The following ERBIN variants were observed in gnomAD, a reference collection of about 807,000 sequenced individuals.
ERBIN encodes the protein erbb2 interacting protein.
A neutral mutation model predicts 158.4 loss-of-function variants in ERBIN; 60 were observed. The ratio of observed to expected loss-of-function variants is 0.38; its 90% confidence interval spans 0.31 to 0.47. ERBIN has a LOEUF of 0.47. Among genes scored for constraint, ERBIN ranks in the 20% least tolerant of loss-of-function variants. ERBIN has a pLI of 0.99. For synonymous variants in ERBIN, 594 were observed against 557.2 expected, an observed-to-expected ratio of 1.07 and a Z score of -0.93; for missense variants, 1,610 against 1,648.0, an observed-to-expected ratio of 0.98 and a Z score of 0.40.
chr5:65,989,361 A>G (rs1371381518), intron 2 of ERBIN, among the ~76,000 whole-genome samples: 1 of 152,130 alleles, frequency 6.6e-6, no homozygotes, highest in Admixed American at 6.5e-5. Flanking sequence ...GCAGGCCTAT[A>G]TAGATTTGGT....
chr5:66,063,572 A>T (rs1272680492), intron 21 of ERBIN, among the ~76,000 whole-genome samples: 2 of 152,110 alleles, frequency 1.3e-5, no homozygotes, highest in Non-Finnish European at 2.9e-5. Flanking sequence ...GGCACTCCCC[A>T]GTGAGATGAA....
In ERBIN at chr5:66,074,877, A is replaced by T. The variant is rs1761845506; in HGVS notation, c.3757-147A>T. ...CTTATTTCTTTTAAGTTTTAAAATT[A>T]TAGAAAAATAGTAAGTGGCATGGTA... On this transcript the variant is annotated intron_variant, in intron 22 of 25. Transcript: ENST00000284037. The T allele has an allele frequency of 1.2e-5, 8 of 673,614 alleles. No homozygotes were observed. The South Asian group carries it at 1.8e-4, about 15-fold the overall frequency. The allele number at this position is 673,614 out of a possible 1,614,324, so 41.7% of individuals were successfully genotyped here.
intron 20 of ERBIN, among the ~76,000 whole-genome samples, chr5:66,051,974 A>G (rs1051345771): frequency 6.6e-6 from 1 of 151,170 alleles, no homozygotes; most frequent in Non-Finnish European, 1.5e-5. Context: ...GGAGGCTAAG[A>G]TGATAGATTG....
chr5:65,977,762 G>C (rs1580227970), intron 1 of ERBIN, among the ~76,000 whole-genome samples: 1 of 152,308 alleles, frequency 6.6e-6, no homozygotes, highest in Non-Finnish European at 1.5e-5. Context: ...GGTGGCGGCC[G>C]GGCAGAGGCT....
At chr5:65,970,465 C>CT (rs1425451441) in intron 1 of ERBIN, among the ~76,000 whole-genome samples, 2 of 140,802 alleles carry the variant, frequency 1.4e-5, no homozygotes, top group African/African-American at 6.5e-5. Context: ...GCTGGCAACA[C>CT]TAACTACTAT....
chr5:66,028,617 T>G (rs144832602), intron 14 of ERBIN, among the ~76,000 whole-genome samples: 3 of 152,290 alleles, frequency 2.0e-5, no homozygotes, highest in African/African-American at 7.2e-5. Flanking sequence ...AACTCTGAAT[T>G]TAATAGCATT....
At chr5:66,067,988 AT>A (rs773939893) in intron 21 of ERBIN, among the ~76,000 whole-genome samples, 28 of 152,258 alleles carry the variant, frequency 1.8e-4, no homozygotes, top group Non-Finnish European at 3.5e-4. Flanking sequence ...AAATTCGCGT[AT>A]GTTAAAACTA....
chr5:66,032,158 G>T (rs1228943562), intron 14 of ERBIN, among the ~76,000 whole-genome samples: 1 of 151,498 alleles, frequency 6.6e-6, no homozygotes, highest in Admixed American at 6.6e-5. Flanking sequence ...GACGGAAAAG[G>T]TAGAAAACGA....
intron 14 of ERBIN, among the ~76,000 whole-genome samples, chr5:66,034,249 G>A (rs1193261261): frequency 6.6e-6 from 1 of 151,852 alleles, no homozygotes; most frequent in Non-Finnish European, 1.5e-5. Flanking sequence ...AGGAAATAGT[G>A]TACATTATGA....
At chr5:66,074,933 T>G (rs900499906) in intron 22 of ERBIN, 91 bp from the exon 23 acceptor site, 3 of 1,120,304 alleles carry the variant, frequency 2.7e-6, no homozygotes, top group Non-Finnish European at 3.9e-6. Context: ...GTGAAAACTC[T>G]AGTGCTTTTG....
Position 66,076,870 on chromosome 5 carries a change from T to C in ERBIN, c.4057-5T>C, listed in dbSNP as rs888365195. 3.1e-6 allele frequency: 5 copies of C among 1,600,342 alleles called. No homozygotes were observed. Among genetic ancestry groups the C allele is most frequent in the Middle Eastern group, 1.7e-4 (1 of 5,912 alleles). Reference sequence around the variant, plus strand: ...TTAGTTAAATAATTTTTTTTGTTGTTAAAGGGTATATTTGTAACAAGGGTA... The same window carrying C: ...TTAGTTAAATAATTTTTTTTGTTGTCAAAGGGTATATTTGTAACAAGGGTA... On this transcript the variant is annotated splice_region_variant and splice_polypyrimidine_tract_variant and intron_variant, in intron 24 of 25. Coordinates refer to ENST00000284037, the MANE Select transcript of ERBIN (RefSeq NM_001253697.2).
At chr5:65,963,944 C>T (rs970880597) in intron 1 of ERBIN, among the ~76,000 whole-genome samples, 4 of 151,878 alleles carry the variant, frequency 2.6e-5, no homozygotes, top group South Asian at 2.1e-4. Context: ...GGACTACAGG[C>T]GCCTGCCACC....
At chr5:65,989,031 G>T (rs1254791366) in intron 2 of ERBIN, among the ~76,000 whole-genome samples, 1 of 68,164 alleles carries the variant, frequency 1.5e-5, no homozygotes, top group African/African-American at 3.5e-5. Flanking sequence ...CATTTTCTGG[G>T]TCGACACTTT....
intron 1 of ERBIN, among the ~76,000 whole-genome samples, chr5:65,940,694 G>A (rs1744862427): frequency 1.4e-5 from 2 of 145,002 alleles, no homozygotes; most frequent in Admixed American, 1.4e-4. Context: ...GAGGGAGGTG[G>A]GGGGGTCAGC....
At chr5:66,051,494 C>T (rs760917426) in intron 20 of ERBIN, among the ~76,000 whole-genome samples, 3 of 151,902 alleles carry the variant, frequency 2.0e-5, no homozygotes, top group Non-Finnish European at 4.4e-5. Flanking sequence ...ATAATGTTGG[C>T]AGTGGGTTTG....
intron 14 of ERBIN, among the ~76,000 whole-genome samples, chr5:66,030,366 A>C (rs1342996813): frequency 1.3e-5 from 2 of 152,010 alleles, no homozygotes; most frequent in East Asian, 3.9e-4. Context: ...TAACACAGGC[A>C]ATTACCGTAT....
intron 1 of ERBIN, among the ~76,000 whole-genome samples, chr5:65,929,245 T>C (rs1743057957): frequency 6.6e-6 from 1 of 152,242 alleles, no homozygotes; most frequent in Admixed American, 6.5e-5. Context: ...ATTGTTGGTA[T>C]TGCACTATTA....
intron 1 of ERBIN, among the ~76,000 whole-genome samples, chr5:65,967,306 TC>T (rs1284419434): frequency 6.6e-6 from 1 of 152,188 alleles, no homozygotes; most frequent in Non-Finnish European, 1.5e-5. Context: ...TACAGTAGTG[TC>T]CTAGACCTTC....
At chr5:66,061,262 G>C (rs548690067) in intron 21 of ERBIN, among the ~76,000 whole-genome samples, 6,109 of 151,472 alleles carry the variant, frequency 0.04, 406 homozygotes, top group African/African-American at 0.14. Flanking sequence ...AGGATAGTTA[G>C]TTCTTGTTGA....
Sources: gnomAD v4.1 joint callset for allele counts (sites outside exome capture counted in the v4.1 genomes callset) on GRCh38, gnomAD v4.1.1 for gene constraint, MANE v1.5 for transcripts, NCBI Gene and HGNC (gene_info 2026-07-23, HGNC 2026-07-21) for gene names.